ZNF559: variants seen among roughly 807,000 people sequenced by gnomAD.
ZNF559 encodes the protein putative protein product of Nbla00121.
ZNF559 carries 17 observed loss-of-function variants against 14.2 expected under a neutral mutation model. The ratio of observed to expected loss-of-function variants is 1.20; its 90% CI spans 0.82 to 1.80. The LOEUF (loss-of-function observed/expected upper bound fraction) is 1.80. ZNF559 is among the 40% of genes most tolerant of loss of function. The pLI, the probability that ZNF559 is intolerant of heterozygous loss-of-function variation, is 0.00. For missense variants in ZNF559, 740 were observed against 629.7 expected, an observed-to-expected ratio of 1.18 and a Z score of -1.88; for synonymous variants, 244 against 212.4, an observed-to-expected ratio of 1.15 and a Z score of -1.29.
At chr19:9,337,715 G>A in intron 2 of ZNF559, 81 bp from the exon 3 acceptor site, 1 of 1,064,798 alleles carries the variant, frequency 9.4e-7, no homozygotes, top group East Asian at 3.3e-5. Flanking sequence ...TGGGTACTAG[G>A]TAAACGGGAT....
At chr19:9,326,366 A>G (rs1213883538) in intron 2 of ZNF559, among the ~76,000 whole-genome samples, 1 of 152,112 alleles carries the variant, frequency 6.6e-6, no homozygotes, top group Non-Finnish European at 1.5e-5. Context: ...TGGCCTCCCA[A>G]AGTACTGCGT....
chr19:9,340,304 T>G (rs1229229462), intron 5 of ZNF559, among the ~76,000 whole-genome samples: 1 of 152,018 alleles, frequency 6.6e-6, no homozygotes, highest in Non-Finnish European at 1.5e-5. Flanking sequence ...GTTTTGAAAG[T>G]GTACTTTTTT....
At position 9,342,919 on chromosome 19, in the gene ZNF559, G is replaced by A; in HGVS notation, c.1468G>A (p.Glu490Lys). The A allele has an allele frequency of 6.2e-7, 1 of 1,614,206 alleles. No homozygotes were observed. The highest frequency in any genetic ancestry group is 8.5e-7 in the Non-Finnish European group (1 of 1,180,032). The change falls in exon 7 of 7, where the codon GAA (glutamate) becomes AAA (lysine). Residue 490 changes from glutamate to lysine, a missense_variant. Physicochemically the swap from Glu to Lys is moderately conservative, Grantham distance 56. Transcript: ENST00000603380. ...LTVHMRTHTG[E>K]RPFECQECGK... The stretch of plus-strand genomic sequence containing the variant: ...AGTACACATGAGAACTCACACTGGT[G>A]AACGGCCCTTTGAATGTCAGGAATG...
chr19:9,329,157 GTTTA>G (rs1490094018), intron 2 of ZNF559, among the ~76,000 whole-genome samples: 3 of 152,092 alleles, frequency 2.0e-5, no homozygotes, highest in African/African-American at 7.2e-5. Context: ...AAAAATCATA[GTTTA>G]TTATTCCTGT....
At position 9,341,846 on chromosome 19, in the gene ZNF559, CTA is replaced by C. The variant is rs2067602067; in HGVS notation, c.397_398del (p.Ile133LeufsTer8). 1 of 1,609,758 alleles carries C rather than the reference CTA, an allele frequency of 6.2e-7. No homozygotes were observed. The highest frequency in any genetic ancestry group is 1.7e-5 in the Admixed American group (1 of 58,884). The stretch of plus-strand genomic sequence containing the variant: ...TGTGAAAAAGCCTTCAGAAAACCCT[CTA>C]TCTTTACTTTACACAAGAAAACTGA... On this transcript the variant is annotated frameshift_variant, in exon 7 of 7. Transcript: ENST00000603380. LOFTEE classifies it low-confidence loss of function (END_TRUNC).
intron 2 of ZNF559, among the ~76,000 whole-genome samples, chr19:9,326,823 G>C (rs1424942338): frequency 2.0e-5 from 3 of 152,104 alleles, no homozygotes; most frequent in Non-Finnish European, 1.5e-5. Flanking sequence ...TTCTTGATCT[G>C]TATTTAGAGT....
At position 9,343,362 on chromosome 19, in the gene ZNF559, A is replaced by T; in HGVS notation, c.*294A>T. The T allele has an allele frequency of 8.7e-7, 1 of 1,155,656 alleles. No individual in the cohort carries two copies. Among genetic ancestry groups the T allele is most frequent in the Non-Finnish European group, 1.1e-6 (1 of 935,628 alleles). 71.6% of individuals were successfully genotyped at this position (1,155,656 alleles called of 1,614,324 possible). ...CATCTTACTGAGTCTGTTTGAACTC[A>T]TGCTGGAGAGAAATGCTATGAATGT... On this transcript the variant is annotated 3_prime_UTR_variant, in exon 7 of 7. Coordinates refer to ENST00000603380, the MANE Select transcript of ZNF559 (RefSeq NM_032497.3).
intron 2 of ZNF559, among the ~76,000 whole-genome samples, chr19:9,328,348 CTTTTTTTTTTTT>C (rs904074002): frequency 4.1e-4 from 25 of 60,984 alleles, no homozygotes; most frequent in Middle Eastern, 0.022. Flanking sequence ...GCTTGTTTGT[CTTTTTTTTTTTT>C]TTTTTTTTTT....
chr19:9,334,335 T>G (rs945782382), intron 2 of ZNF559, among the ~76,000 whole-genome samples: 3 of 152,258 alleles, frequency 2.0e-5, no homozygotes, highest in African/African-American at 2.4e-5. Context: ...GTGTCATATC[T>G]GTGCTCAAAA....
At chr19:9,338,781 T>C (rs1450898452) in intron 4 of ZNF559, among the ~76,000 whole-genome samples, 199 bp downstream of exon 4, 1 of 152,168 alleles carries the variant, frequency 6.6e-6, no homozygotes, top group Non-Finnish European at 1.5e-5. Context: ...TATCCCACTG[T>C]TTACTAATTC....
At chr19:9,340,620 G>A (rs1486819842) in intron 5 of ZNF559, among the ~76,000 whole-genome samples, 1 of 147,996 alleles carries the variant, frequency 6.8e-6, no homozygotes, top group African/African-American at 2.5e-5. Context: ...AGGCTGAAAT[G>A]CAGTGGCGCG....
chr19:9,327,429 G>T (rs908188919), intron 2 of ZNF559, among the ~76,000 whole-genome samples: 11 of 152,062 alleles, frequency 7.2e-5, no homozygotes, highest in African/African-American at 2.4e-4. Context: ...TGTAATTTTA[G>T]TAGAGAAGGG....
Position 9,340,452 on chromosome 19 carries a change from A to G in ZNF559, c.161-650A>G, listed in dbSNP as rs2067496021. On this transcript the variant is annotated intron_variant, in intron 5 of 6. Coordinates refer to ENST00000603380, the MANE Select transcript of ZNF559 (RefSeq NM_032497.3). ...CTTCTCCTTTAAATTTATGATTTGC[A>G]TTTAGCTCTGTATCCATTTCCTTTC... Among the ~76,000 whole-genome samples the G allele has an allele frequency of 6.0e-5, 9 of 150,306 alleles. 1 individual carries two copies. The South Asian group carries it at 1.9e-3, about 31-fold the overall frequency.
intron 2 of ZNF559, among the ~76,000 whole-genome samples, chr19:9,331,638 T>C (rs899772759): frequency 2.0e-5 from 3 of 152,172 alleles, no homozygotes; most frequent in African/African-American, 7.2e-5. Flanking sequence ...GCAGAAGGGC[T>C]GATGAGGGTA....
At chr19:9,341,328 A>G (rs753607823) in intron 6 of ZNF559, 144 bp downstream of exon 6, 6 of 839,260 alleles carry the variant, frequency 7.1e-6, no homozygotes, top group African/African-American at 5.2e-5. Flanking sequence ...TGGAGAGACT[A>G]TGGATCATGA....
chr19:9,324,402 C>T lies in ZNF559; in HGVS notation c.-206+174C>T, dbSNP rs1005808410. 1.0e-4 allele frequency: 148 copies of T among 1,469,658 alleles called. 1 individual carries two copies. The African/African-American group carries it at 1.9e-3, about 19-fold the overall frequency. 91.0% of individuals were successfully genotyped at this position (1,469,658 alleles called of 1,614,324 possible). On this transcript the variant is annotated intron_variant, in intron 1 of 6. Transcript: ENST00000603380. ...CGGCCCCTCCTCTGAGAGCCACAGT[C>T]AGGTCTGTCCTCAGGGGTCGAGGCG...
intron 5 of ZNF559, among the ~76,000 whole-genome samples, chr19:9,340,359 CCTTAA>C (rs1163726460): frequency 6.6e-6 from 1 of 151,900 alleles, no homozygotes; most frequent in East Asian, 1.9e-4. Context: ...TCCTTGGGTA[CCTTAA>C]CTTCTCTTTC....
Position 9,341,778 on chromosome 19 carries a change from C to G in ZNF559, c.327C>G (p.His109Gln), listed in dbSNP as rs1250239743. ...GTGAACACTCATGCCTTAAGACTCA[C>G]AGGAGAACTTACTTTAGAAAGAAAA... ...ALSEHSCLKT[H>Q]RRTYFRKKTC... Residue 109 changes from histidine (H) to glutamine (Q), a missense_variant, in exon 7 of 7, where the codon CAC (histidine) becomes CAG (glutamine). Physicochemically the swap from His to Gln is conservative, Grantham distance 24. Coordinates refer to ENST00000603380, the MANE Select transcript of ZNF559 (RefSeq NM_032497.3). The G allele has an allele frequency of 1.2e-6, 2 of 1,607,098 alleles. No individual in the cohort carries two copies. The highest frequency in any genetic ancestry group is 1.7e-5 in the Admixed American group (1 of 58,064).
chr19:9,336,972 G>A (rs142470428), intron 2 of ZNF559, among the ~76,000 whole-genome samples: 15 of 152,334 alleles, frequency 9.8e-5, no homozygotes, highest in African/African-American at 2.4e-4. Flanking sequence ...AAAGGGTACA[G>A]ATTAGAATCT....
Sources: allele counts gnomAD v4.1 joint callset (sites outside exome capture counted in the v4.1 genomes callset), GRCh38; gene constraint gnomAD v4.1.1; transcripts MANE v1.5; gene names NCBI Gene and HGNC (gene_info 2026-07-23, HGNC 2026-07-21).